Variants in JAKMIP1 observed in about 807,000 individuals in gnomAD.
JAKMIP1 encodes janus kinase and microtubule interacting protein 1, also known as janus kinase and microtubule-interacting protein 1.
In JAKMIP1, 33 loss-of-function variants were observed where a neutral mutation model predicts 113.0. The observed-to-expected ratio is 0.29, with a 90% confidence interval of 0.22 to 0.39. The LOEUF is 0.39. Ranked by LOEUF, JAKMIP1 falls within the 10% of genes least tolerant of loss-of-function variation. The pLI is 1.00. For synonymous variants in JAKMIP1, 480 were observed against 459.9 expected, an observed-to-expected ratio of 1.04 and a Z score of -0.56; for missense variants, 813 against 1,080.5, an observed-to-expected ratio of 0.75 and a Z score of 3.47.
rs1450146746 is a variant in JAKMIP1 at position 6,158,934 on chromosome 4, C to T, written c.-148+41319G>A. On this transcript the variant is annotated intron_variant, in intron 1 of 20. Coordinates refer to ENST00000409021, the MANE Select transcript of JAKMIP1 (RefSeq NM_001099433.2). The surrounding 1 kb of genome is among the most constrained non-coding windows in gnomAD (Gnocchi z 5.3). ...TGAAACCCCATCTCTACAAAAAATA[C>T]AAAAATTAGCGGGGCATAGTGGCAT... 6.6e-6 allele frequency among the ~76,000 whole-genome samples: 1 copy of T among 151,834 alleles called. No individual in the cohort carries two copies. Among genetic ancestry groups the T allele is most frequent in the Admixed American group, 6.6e-5 (1 of 15,254 alleles).
At chr4:6,060,339 C>G in intron 11 of JAKMIP1, 85 bp downstream of exon 11, 3 of 1,011,496 alleles carry the variant, frequency 3.0e-6, no homozygotes, top group Admixed American at 3.4e-5. Context: ...CAGAATGTCC[C>G]CCTTGGCACA....
chr4:6,181,589 G>A lies in JAKMIP1; in HGVS notation c.-148+18664C>T, dbSNP rs1726027436. ...TATGGGTGCCAGCGTGGTGAGGGAA[G>A]GGACATCCAAAGTGGGCTGTGGAAG... On this transcript the variant is annotated intron_variant, in intron 1 of 20. Transcript: ENST00000409021. The surrounding 1 kb of genome is among the most constrained non-coding windows in gnomAD (Gnocchi z 5.4). Among the ~76,000 whole-genome samples the A allele has an allele frequency of 2.0e-5, 3 of 152,212 alleles. No individual in the cohort carries two copies. Among genetic ancestry groups the A allele is most frequent in the Admixed American group, 2.0e-4 (3 of 15,288 alleles).
In JAKMIP1 at chr4:6,080,984, TAC is replaced by T. The variant is rs71173403; in HGVS notation, c.1101+623_1101+624del. On this transcript the variant is annotated intron_variant, in intron 6 of 20. Transcript: ENST00000409021. This position sits in a 1 kb window ranked among gnomAD's most constrained non-coding sequence, Gnocchi z 6.0. ...GGAGAGGACTTCACACAACAGCAAT[TAC>T]ACACACACACACACACACACACACA... Among the ~76,000 whole-genome samples, 42 of 141,064 alleles carry T rather than the reference TAC, an allele frequency of 3.0e-4. 1 individual carries two copies. The highest frequency in any genetic ancestry group is 8.0e-4 in the African/African-American group (29 of 36,142). 92.5% of individuals were successfully genotyped at this position (141,064 alleles called of 152,430 possible). A position where few individuals can be genotyped will look rare whatever the true frequency, so the allele number is the denominator to read the frequency against.
rs1714765679 is a variant in JAKMIP1 at position 6,044,708 on chromosome 4, T to C, written c.2029-2481A>G. Among the ~76,000 whole-genome samples the C allele has an allele frequency of 6.6e-6, 1 of 150,696 alleles. No individual in the cohort carries two copies. The highest frequency in any genetic ancestry group is 1.5e-5 in the Non-Finnish European group (1 of 67,934). On this transcript the variant is annotated intron_variant, in intron 16 of 20. Transcript: ENST00000409021. The surrounding 1 kb of genome is among the most constrained non-coding windows in gnomAD (Gnocchi z 4.4). ...TTTCTGCAGAACACAGTGTTGAGAT[T>C]TGTTGCTGCTGTCGTTTAAAAAATT...
chr4:6,126,370 TGCA>T (rs1717614167), intron 1 of JAKMIP1, among the ~76,000 whole-genome samples: 1 of 12,926 alleles, frequency 7.7e-5, no homozygotes, highest in African/African-American at 7.1e-4. Flanking sequence ...AACACACACA[TGCA>T]CAAACACACA....
intron 1 of JAKMIP1, among the ~76,000 whole-genome samples, chr4:6,196,489 C>A (rs1294883363): frequency 1.3e-5 from 2 of 152,238 alleles, no homozygotes; most frequent in African/African-American, 2.4e-5. Context: ...CCTGGGGTCA[C>A]TGTCTGAGCC....
At chr4:6,163,249 G>A (rs1191910926) in intron 1 of JAKMIP1, among the ~76,000 whole-genome samples, 2 of 152,190 alleles carry the variant, frequency 1.3e-5, no homozygotes, top group Non-Finnish European at 2.9e-5. Context: ...CCTGTGATGA[G>A]CAAGTCTATC....
chr4:6,082,312 T>C (rs1378099071), intron 5 of JAKMIP1, among the ~76,000 whole-genome samples: 3 of 151,952 alleles, frequency 2.0e-5, no homozygotes, highest in Admixed American at 2.0e-4. Context: ...ATTCTGATGG[T>C]ATAGGTTGAA....
At position 6,042,303 on chromosome 4, in the gene JAKMIP1, G is replaced by T; in HGVS notation, c.2029-76C>A. The T allele has an allele frequency of 1.7e-6, 2 of 1,192,708 alleles. No homozygotes were observed. Among genetic ancestry groups the T allele is most frequent in the Non-Finnish European group, 2.5e-6 (2 of 801,094 alleles). The allele number at this position is 1,192,708 out of a possible 1,614,324, so 73.9% of individuals were successfully genotyped here. Reference sequence around the variant, plus strand: ...CAAGGGGCTGTGGAATTTCACAGGTGTGTGAATTTCATAGATCGGCTTCCT... The same window carrying T: ...CAAGGGGCTGTGGAATTTCACAGGTTTGTGAATTTCATAGATCGGCTTCCT... On this transcript the variant is annotated intron_variant, in intron 16 of 20. Transcript: ENST00000409021. The surrounding 1 kb of genome is among the most constrained non-coding windows in gnomAD (Gnocchi z 5.2).
chr4:6,082,991 A>G (rs752497556), intron 5 of JAKMIP1, among the ~76,000 whole-genome samples: 2 of 152,222 alleles, frequency 1.3e-5, no homozygotes, highest in Non-Finnish European at 2.9e-5. Flanking sequence ...CAGCAGGGAA[A>G]AAAATCCCAA....
chr4:6,164,229 T>G (rs1723303855), intron 1 of JAKMIP1, among the ~76,000 whole-genome samples: 1 of 152,232 alleles, frequency 6.6e-6, no homozygotes, highest in South Asian at 2.1e-4. Context: ...ATAGAGCTGA[T>G]GACGTGCCAA....
Position 6,088,027 on chromosome 4 carries a change from G to A in JAKMIP1, c.625-2398C>T, listed in dbSNP as rs1721539030. Among the ~76,000 whole-genome samples, 1 of 152,178 alleles carries A rather than the reference G, an allele frequency of 6.6e-6. No homozygotes were observed. Among genetic ancestry groups the A allele is most frequent in the Admixed American group, 6.5e-5 (1 of 15,284 alleles). On this transcript the variant is annotated intron_variant, in intron 3 of 20. Transcript: ENST00000409021. The surrounding 1 kb of genome is among the most constrained non-coding windows in gnomAD (Gnocchi z 5.5). ...TGAAAACACCACTGCCAATGTAGAT[G>A]CCAACCCCAAAGCAAAAATCATTAT...
intron 19 of JAKMIP1, among the ~76,000 whole-genome samples, chr4:6,030,966 C>T (rs1712568070): frequency 6.6e-6 from 1 of 152,212 alleles, no homozygotes; most frequent in Non-Finnish European, 1.5e-5. Context: ...GCTTTGAGAA[C>T]CACCACTGTG....
At chr4:6,120,557 G>C (rs1468740335) in intron 1 of JAKMIP1, among the ~76,000 whole-genome samples, 2 of 152,260 alleles carry the variant, frequency 1.3e-5, no homozygotes, top group Non-Finnish European at 2.9e-5. Flanking sequence ...ACGGACAACA[G>C]TGGCATGTGA....
Position 6,040,753 on chromosome 4 carries a change from A to G in JAKMIP1, c.2098-37T>C, listed in dbSNP as rs1560101176. ...GGAGGCGCCATCAGGGACCAGCGTC[A>G]GAACAGGAATCCATGACAGCTTCAG... On this transcript the variant is annotated intron_variant, in intron 17 of 20. Coordinates refer to ENST00000409021, the MANE Select transcript of JAKMIP1 (RefSeq NM_001099433.2). This position sits in a 1 kb window ranked among gnomAD's most constrained non-coding sequence, Gnocchi z 5.8. 6.5e-7 allele frequency: 1 copy of G among 1,546,330 alleles called. No homozygotes were observed. Among genetic ancestry groups the G allele is most frequent in the East Asian group, 2.2e-5 (1 of 44,500 alleles).
intron 1 of JAKMIP1, among the ~76,000 whole-genome samples, chr4:6,166,499 T>A (rs1397125243): frequency 6.6e-6 from 1 of 152,190 alleles, no homozygotes; most frequent in Non-Finnish European, 1.5e-5. Flanking sequence ...GGAGCCAGGA[T>A]GTGTGCAGGC....
intron 3 of JAKMIP1, among the ~76,000 whole-genome samples, chr4:6,098,836 A>G (rs1712515932): frequency 6.6e-6 from 1 of 152,174 alleles, no homozygotes; most frequent in African/African-American, 2.4e-5. Context: ...TTCCTGATCA[A>G]CCCCACACCC....
Position 6,081,877 on chromosome 4 carries a change from G to T in JAKMIP1, c.955-122C>A. 9.1e-7 allele frequency: 1 copy of T among 1,093,988 alleles called. No homozygotes were observed. Among genetic ancestry groups the T allele is most frequent in the Non-Finnish European group, 1.3e-6 (1 of 762,772 alleles). The allele number at this position is 1,093,988 out of a possible 1,614,324, so 67.8% of individuals were successfully genotyped here. On this transcript the variant is annotated intron_variant, in intron 5 of 20. Coordinates refer to ENST00000409021, the MANE Select transcript of JAKMIP1 (RefSeq NM_001099433.2). The surrounding 1 kb of genome is among the most constrained non-coding windows in gnomAD (Gnocchi z 4.6). The stretch of plus-strand genomic sequence containing the variant: ...CCCTTCTGAGGCCAGTGTCCTGGAT[G>T]ACACATTTGTTTGCTAGTTGCATGA...
chr4:6,059,577 T>G lies in JAKMIP1; in HGVS notation c.1644+847A>C, dbSNP rs1051367327. ...ACACCCTCCTTGGCACCCTCACTGT[T>G]AGTGGGGCCACGTGACTGATGAATT... On this transcript the variant is annotated intron_variant, in intron 11 of 20. Transcript: ENST00000409021. The surrounding 1 kb of genome is among the most constrained non-coding windows in gnomAD (Gnocchi z 4.8). 3.3e-5 allele frequency among the ~76,000 whole-genome samples: 5 copies of G among 152,040 alleles called. No individual in the cohort carries two copies. The highest frequency in any genetic ancestry group is 1.2e-4 in the African/African-American group (5 of 41,488).
Sources: gnomAD v4.1 joint callset for allele counts (sites outside exome capture counted in the v4.1 genomes callset) on GRCh38, gnomAD v4.1.1 for gene constraint, Gnocchi (gnomAD v3.1) non-coding constraint, MANE v1.5 for transcripts, NCBI Gene and HGNC (gene_info 2026-07-23, HGNC 2026-07-21) for gene names.